The following PIEZO1 variants were observed in gnomAD, a reference collection of about 807,000 sequenced individuals.
The protein encoded by PIEZO1 is piezo type mechanosensitive ion channel component 1 (Er blood group).
Under a neutral mutation model 297.2 loss-of-function variants are expected in PIEZO1, and 296 were observed. The observed-to-expected ratio is 1.00, with a 90% CI of 0.91 to 1.10. The LOEUF is 1.10. Ranked by LOEUF, PIEZO1 falls within the 50% of genes least tolerant of loss-of-function variation. PIEZO1 has a pLI of 0.00. For missense variants in PIEZO1, 5,018 were observed against 3,455.5 expected, an observed-to-expected ratio of 1.45 and a Z score of -11.34; for synonymous variants, 2,427 against 1,507.5, an observed-to-expected ratio of 1.61 and a Z score of -14.13.
At chr16:88,759,329 G>T (rs1462802867) in intron 1 of PIEZO1, among the ~76,000 whole-genome samples, 1 of 152,230 alleles carries the variant, frequency 6.6e-6, no homozygotes, top group African/African-American at 2.4e-5. Flanking sequence ...AGCTCTGAAA[G>T]GGGCCGGGTG....
intron 1 of PIEZO1, among the ~76,000 whole-genome samples, chr16:88,756,393 C>T (rs1906656623): frequency 6.6e-6 from 1 of 152,168 alleles, no homozygotes; most frequent in Non-Finnish European, 1.5e-5. Context: ...GCGGGGTGGG[C>T]TAATGGACCG....
chr16:88,722,210 G>A lies in PIEZO1; in HGVS notation c.4955+8C>T, dbSNP rs533263001. The A allele has an allele frequency of 1.9e-4, 294 of 1,544,076 alleles. 1 individual carries two copies. The Middle Eastern group carries it at 2.1e-3, about 11-fold the overall frequency. On this transcript the variant is annotated splice_region_variant and intron_variant, in intron 36 of 50. Coordinates refer to ENST00000301015, the MANE Select transcript of PIEZO1 (RefSeq NM_001142864.4). The stretch of plus-strand genomic sequence containing the variant: ...GTGAGGCTGGTGTTGTGCGCGTCCC[G>A]CCCCCACCTGTCCAGGAGCAGCTCG...
At chr16:88,757,752 G>A (rs1279523648) in intron 1 of PIEZO1, among the ~76,000 whole-genome samples, 1 of 152,092 alleles carries the variant, frequency 6.6e-6, no homozygotes, top group African/African-American at 2.4e-5. Context: ...CACTCTCCTT[G>A]GGTCCTCCCA....
chr16:88,726,762 G>A lies in PIEZO1; in HGVS notation c.3652C>T (p.Leu1218Phe). The change falls in exon 25 of 51, where the codon CTC becomes TTC. Residue 1218 changes from leucine to phenylalanine, a missense_variant. By Grantham distance (22) the Leu-to-Phe change is conservative. Transcript: ENST00000301015. ...ATGACGGTGACGTTGTACAGAATGA[G>A]GCAGTCCCACAGCACGAGGCGGGCC... ...TRARLVLWDC[L>F]ILYNVTVIIS... 2 of 1,550,176 alleles carry A rather than the reference G, an allele frequency of 1.3e-6. No homozygotes were observed. Among genetic ancestry groups the A allele is most frequent in the Non-Finnish European group, 1.7e-6 (2 of 1,146,852 alleles).
chr16:88,717,354 C>G, intron 44 of PIEZO1, 143 bp from the exon 45 acceptor site: 1 of 706,816 alleles, frequency 1.4e-6, no homozygotes, highest in South Asian at 1.6e-5. Context: ...TGGGCAGACA[C>G]AGGCCAGTGG....
In PIEZO1 at chr16:88,734,981, A is replaced by T; in HGVS notation, c.1742T>A (p.Ile581Asn). 6.4e-7 allele frequency: 1 copy of T among 1,550,526 alleles called. No homozygotes were observed. The highest frequency in any genetic ancestry group is 8.7e-7 in the Non-Finnish European group (1 of 1,146,972). Residue 581 changes from isoleucine (I) to asparagine (N), a missense_variant, in exon 14 of 51, where the codon ATC becomes AAC. Ile to Asn is a moderately radical substitution (Grantham distance 149). Coordinates refer to ENST00000301015, the MANE Select transcript of PIEZO1 (RefSeq NM_001142864.4). ...LVKGVYAKYW[I>N]YVCAGMFIVV... ...GATGAACATGCCAGCACACACATAG[A>T]TCCAGTACTTGGCGTACACGCCCTT...
chr16:88,773,720 C>T (rs1218077640), intron 1 of PIEZO1, among the ~76,000 whole-genome samples: 1 of 151,434 alleles, frequency 6.6e-6, no homozygotes, highest in Non-Finnish European at 1.5e-5. Flanking sequence ...CAGCAGCTGC[C>T]TACTGGGTGA....
intron 1 of PIEZO1, among the ~76,000 whole-genome samples, chr16:88,781,851 A>C (rs1907952561): frequency 1.3e-5 from 2 of 152,256 alleles, no homozygotes; most frequent in African/African-American, 4.8e-5. Flanking sequence ...AGCATCCCTC[A>C]TGCTAAATGG....
intron 22 of PIEZO1, among the ~76,000 whole-genome samples, chr16:88,728,301 C>A (rs911349197): frequency 1.3e-5 from 2 of 152,262 alleles, no homozygotes; most frequent in Admixed American, 1.3e-4. Context: ...GGGTCGGTCC[C>A]TAAGGACTGA....
chr16:88,727,471 CTGTGTGCACACTTG>C, intron 23 of PIEZO1, 72 bp downstream of exon 23: 1 of 657,852 alleles, frequency 1.5e-6, no homozygotes, highest in East Asian at 2.8e-5. Flanking sequence ...CCGTGCACGC[CTGTGTGCACACTTG>C]TGAGCAGATT....
intron 1 of PIEZO1, among the ~76,000 whole-genome samples, chr16:88,760,679 G>A (rs1275028488): frequency 2.0e-5 from 3 of 151,746 alleles, no homozygotes; most frequent in South Asian, 2.1e-4. Context: ...GCCCAGGACA[G>A]GCAGGGTCCC....
intron 1 of PIEZO1, among the ~76,000 whole-genome samples, chr16:88,778,722 G>A (rs577319422): frequency 2.9e-4 from 44 of 152,206 alleles, no homozygotes; most frequent in Non-Finnish European, 5.7e-4. Flanking sequence ...AGCGTCCACC[G>A]TGGAGAAACA....
intron 1 of PIEZO1, among the ~76,000 whole-genome samples, chr16:88,760,418 C>G (rs1168420020): frequency 1.3e-5 from 2 of 152,268 alleles, no homozygotes; most frequent in African/African-American, 4.8e-5. Context: ...GAACACTTCA[C>G]AAAGCTCTAA....
chr16:88,737,729 T>C lies in PIEZO1; in HGVS notation c.1106A>G (p.Gln369Arg). ...GTCTCCACCTGCCTGGCTGCTCACC[T>C]GGTCAGACTCCCGTTCCTGGGGCCA... ...DQWPQERESD[Q>R]HVVPTAPDTE... Residue 369 changes from glutamine to arginine, a missense_variant and splice_region_variant, in exon 9 of 51, where the codon CAG becomes CGG. Physicochemically the swap from Gln to Arg is conservative, Grantham distance 43 (BLOSUM62 1). Transcript: ENST00000301015. 3.3e-6 allele frequency: 5 copies of C among 1,535,424 alleles called. No individual in the cohort carries two copies. Among genetic ancestry groups the C allele is most frequent in the South Asian group, 1.2e-5 (1 of 84,050 alleles).
chr16:88,784,767 T>G, intron 1 of PIEZO1, 134 bp downstream of exon 1: 1 of 564,678 alleles, frequency 1.8e-6, no homozygotes, highest in Non-Finnish European at 2.6e-6. Context: ...GGCGCCCGGG[T>G]CGCGCGTCCC....
At chr16:88,781,730 G>A (rs547470557) in intron 1 of PIEZO1, among the ~76,000 whole-genome samples, 1 of 152,342 alleles carries the variant, frequency 6.6e-6, no homozygotes, top group Admixed American at 6.5e-5. Flanking sequence ...CAGCTCAGAG[G>A]GTCTGCACTG....
At chr16:88,722,437 G>C (rs898189236) in intron 35 of PIEZO1, 40 bp from the exon 36 acceptor site, 2 of 1,470,208 alleles carry the variant, frequency 1.4e-6, no homozygotes, top group Admixed American at 4.8e-5. Context: ...CCTGCTCTAT[G>C]GCCTGACCCC....
At chr16:88,759,307 C>G (rs1158884280) in intron 1 of PIEZO1, among the ~76,000 whole-genome samples, 1 of 152,218 alleles carries the variant, frequency 6.6e-6, no homozygotes, top group African/African-American at 2.4e-5. Context: ...TTGCTACCAG[C>G]TGAGCATGGG....
intron 10 of PIEZO1, 153 bp from the exon 11 acceptor site, chr16:88,736,892 G>T (rs1319043595): frequency 7.5e-6 from 4 of 529,940 alleles, no homozygotes; most frequent in Non-Finnish European, 6.7e-6. Context: ...CCGGCAATTG[G>T]GCTGACACCG....
Sources: allele counts gnomAD v4.1 joint callset (sites outside exome capture counted in the v4.1 genomes callset), GRCh38; gene constraint gnomAD v4.1.1; transcripts MANE v1.5; gene names NCBI Gene and HGNC (gene_info 2026-07-23, HGNC 2026-07-21).